ZFHX4: variants seen among roughly 807,000 people sequenced by gnomAD.
The protein encoded by ZFHX4 is zinc finger homeobox protein 4.
In ZFHX4, 56 loss-of-function variants were observed where a neutral mutation model predicts 267.6. The observed-to-expected ratio is 0.21, with a 90% CI of 0.17 to 0.26. The LOEUF is 0.26. Among genes scored for constraint, ZFHX4 ranks in the 10% least tolerant of loss-of-function variants. The pLI is 1.00. For synonymous variants in ZFHX4, 1,778 were observed against 1,665.6 expected (o/e 1.07, Z -1.64); for missense variants, 4,332 against 4,420.0 (o/e 0.98, Z 0.56).
intron 4 of ZFHX4, among the ~76,000 whole-genome samples, chr8:76,826,166 G>A (rs905465261): frequency 3.9e-5 from 6 of 152,130 alleles, no homozygotes; most frequent in Admixed American, 3.9e-4. Flanking sequence ...GCAAGAGTGG[G>A]ATCAAAAGGG....
At chr8:76,692,424 T>C (rs1394234648) in intron 1 of ZFHX4, among the ~76,000 whole-genome samples, 1 of 152,152 alleles carries the variant, frequency 6.6e-6, no homozygotes, top group African/African-American at 2.4e-5. Flanking sequence ...TGTTACGTGG[T>C]ATCCTGTTGA....
chr8:76,862,786 CGAT>C (rs1390333281), intron 10 of ZFHX4, among the ~76,000 whole-genome samples: 1 of 152,076 alleles, frequency 6.6e-6, no homozygotes, highest in Admixed American at 6.5e-5. Flanking sequence ...CTATAGTTCA[CGAT>C]GATGTTTTTT....
intron 5 of ZFHX4, among the ~76,000 whole-genome samples, chr8:76,842,177 G>GT (rs1812251400): frequency 6.6e-6 from 1 of 152,072 alleles, no homozygotes; most frequent in Non-Finnish European, 1.5e-5. Flanking sequence ...AAATGCCAAA[G>GT]AATTCCTTTG....
chr8:76,815,764 G>C, intron 4 of ZFHX4, among the ~76,000 whole-genome samples: 1 of 152,236 alleles, frequency 6.6e-6, no homozygotes, highest in South Asian at 2.1e-4. Context: ...GTCTCCCAAA[G>C]TGCTGAGATC....
At chr8:76,798,618 T>C (rs1811043019) in intron 4 of ZFHX4, among the ~76,000 whole-genome samples, 1 of 152,182 alleles carries the variant, frequency 6.6e-6, no homozygotes, top group Non-Finnish European at 1.5e-5. Context: ...GGCAAGTGTA[T>C]TTTTTAAAAT....
intron 1 of ZFHX4, chr8:76,693,314 G>C (rs1807868998): frequency 6.6e-6 from 1 of 152,162 alleles, no homozygotes; most frequent in African/African-American, 2.4e-5. Context: ...AGCTGGACTT[G>C]TCTTGGGAAA....
chr8:76,864,092 G>T lies in ZFHX4; in HGVS notation c.10378G>T (p.Glu3460Ter). Residue 3460 changes from glutamate (E) to a stop codon, truncating the protein, a stop_gained, in exon 11 of 11, where the codon GAA becomes TAA. Coordinates refer to ENST00000651372, the MANE Select transcript of ZFHX4 (RefSeq NM_024721.5). LOFTEE classifies it high-confidence loss of function. ...CTGTGATGTGGCTATCAGTGGGAAT[G>T]AAGCACTTAGCCAACACCTCCAGTC... is the stretch of plus-strand genomic sequence containing the variant. ...LACDVAISGN[E>*]ALSQHLQSSL... The T allele has an allele frequency of 1.2e-6, 2 of 1,613,836 alleles. No homozygotes were observed. Among genetic ancestry groups the T allele is most frequent in the Non-Finnish European group, 1.7e-6 (2 of 1,179,852 alleles).
At chr8:76,764,790 A>G (rs1172156046) in intron 3 of ZFHX4, among the ~76,000 whole-genome samples, 4 of 152,102 alleles carry the variant, frequency 2.6e-5, no homozygotes, top group Non-Finnish European at 4.4e-5. Context: ...CTATTGTGTA[A>G]CTTTTGCGGT....
Position 76,864,745 on chromosome 8 carries a change from A to G in ZFHX4, c.*180A>G, listed in dbSNP as rs150375735. The G allele has an allele frequency of 4.9e-4, 226 of 459,958 alleles. 1 individual carries two copies. The highest frequency in any genetic ancestry group is 4.2e-3 in the African/African-American group (211 of 49,924). 28.5% of individuals were successfully genotyped at this position (459,958 alleles called of 1,614,324 possible). A position where few individuals can be genotyped will look rare whatever the true frequency, so the allele number is the denominator to read the frequency against. On this transcript the variant is annotated 3_prime_UTR_variant, in exon 11 of 11. Coordinates refer to ENST00000651372, the MANE Select transcript of ZFHX4 (RefSeq NM_024721.5). ...ATATAGGATGGTATGTAATGGACAG[A>G]ACTGATGCAGATGGTTGAATGCGCT...
rs373343766 is a variant in ZFHX4 at position 76,705,120 on chromosome 8, T to C, written c.1032T>C (p.Val344=). The C allele has an allele frequency of 5.5e-5, 88 of 1,613,706 alleles. No individual in the cohort carries two copies. In the African/African-American group the frequency reaches 8.1e-4, roughly 15 times the overall value. ...TGGAACCAAAAAAATCCACTTCTGT[T>C]TATCCCCATTTTTCTACTACAAACC... The part of the protein sequence containing the change: ...SFLEPKKSTS[V]YPHFSTTNLI... The change falls in exon 2 of 11, where the codon GTT becomes GTC. Residue 344 remains valine, a synonymous_variant. Transcript: ENST00000651372.
At chr8:76,800,283 AAC>A (rs1811086307) in intron 4 of ZFHX4, among the ~76,000 whole-genome samples, 1 of 152,154 alleles carries the variant, frequency 6.6e-6, no homozygotes, top group African/African-American at 2.4e-5. Flanking sequence ...GATAAGAGAA[AAC>A]AGACAATTTA....
chr8:76,778,284 A>G lies in ZFHX4; in HGVS notation c.3170A>G (p.Lys1057Arg). 1.9e-6 allele frequency: 3 copies of G among 1,613,856 alleles called. No homozygotes were observed. Among genetic ancestry groups the G allele is most frequent in the Non-Finnish European group, 2.5e-6 (3 of 1,179,790 alleles). The change falls in exon 4 of 11, where the codon AAG becomes AGG. Residue 1057 changes from lysine (K) to arginine (R), a missense_variant. Transcript: ENST00000651372. ...YYCAVCDYTT[K>R]VKLNLVQHVR... ...TGTGCCGTGTGTGATTACACCACCAAGGTCAAGTTGAATCTGGTACAACAT... is the reference window on the plus strand; with the variant it reads ...TGTGCCGTGTGTGATTACACCACCAGGGTCAAGTTGAATCTGGTACAACAT...
rs1554572190 is a variant in ZFHX4, at chr8:76,835,243, A to ATATG, written c.3394+1840_3394+1841insGTAT. Among the ~76,000 whole-genome samples, 17 of 102,716 alleles carry ATATG rather than the reference A, an allele frequency of 1.7e-4. 1 individual carries two copies. Among genetic ancestry groups the ATATG allele is most frequent in the South Asian group, 2.9e-4 (1 of 3,460 alleles). The allele number at this position is 102,716 out of a possible 152,430, so 67.4% of individuals were successfully genotyped here. On this transcript the variant is annotated intron_variant, in intron 5 of 10. Coordinates refer to ENST00000651372, the MANE Select transcript of ZFHX4 (RefSeq NM_024721.5). ...TGTATATATATATATATATATATGT[A>ATATG]TATATATATATATATATTCATACAT...
At position 76,854,228 on chromosome 8, in the gene ZFHX4, C is replaced by T. The variant is rs948348276; in HGVS notation, c.7307C>T (p.Ser2436Leu). ...GCCCTGCCATTAGCATCGACTTCCT[C>T]GGACCCACCACAGGCATCCACAGCC... ...KPALPLASTSSDPPQASTAQP... is the reference protein window; with the variant it reads ...KPALPLASTSLDPPQASTAQP... The change falls in exon 10 of 11, where the codon TCG becomes TTG. Residue 2436 changes from serine to leucine, a missense_variant. This residue lies in a region of ZFHX4 where 1,648 missense variants were observed against 1,625.0 expected (regional missense o/e 1.01). Coordinates refer to ENST00000651372, the MANE Select transcript of ZFHX4 (RefSeq NM_024721.5). 5 of 1,566,380 alleles carry T rather than the reference C, an allele frequency of 3.2e-6. No homozygotes were observed. Among genetic ancestry groups the T allele is most frequent in the South Asian group, 1.2e-5 (1 of 86,248 alleles).
chr8:76,774,090 A>T (rs1810342786), intron 3 of ZFHX4, among the ~76,000 whole-genome samples: 1 of 152,042 alleles, frequency 6.6e-6, no homozygotes. Context: ...CAAGTTCTGG[A>T]CTCCAAATCC....
In ZFHX4 at chr8:76,704,230, G is replaced by C; in HGVS notation, c.142G>C (p.Asp48His). ...GCCTGACAGGGAAAACAGCTCCACAGATGACAACCTGAAAACGGATGAGCG... is the reference window on the plus strand; with the variant it reads ...GCCTGACAGGGAAAACAGCTCCACACATGACAACCTGAAAACGGATGAGCG... The part of the protein sequence containing the change: ...MEPDRENSST[D>H]DNLKTDERKS... The change falls in exon 2 of 11, where the codon GAT becomes CAT. Residue 48 changes from aspartate to histidine, a missense_variant. Around this residue, in one of 7 missense-constraint regions of ZFHX4, gnomAD observed 1,195 missense variants for 1,173.6 expected, o/e 1.02. Coordinates refer to ENST00000651372, the MANE Select transcript of ZFHX4 (RefSeq NM_024721.5). 1 of 1,614,054 alleles carries C rather than the reference G, an allele frequency of 6.2e-7. No individual in the cohort carries two copies. Among genetic ancestry groups the C allele is most frequent in the Non-Finnish European group, 8.5e-7 (1 of 1,179,896 alleles).
At chr8:76,709,070 T>G (rs1177802942) in intron 3 of ZFHX4, among the ~76,000 whole-genome samples, 2 of 152,316 alleles carry the variant, frequency 1.3e-5, no homozygotes, top group African/African-American at 4.8e-5. Context: ...CAACCAGTGA[T>G]TATCAAACCT....
At chr8:76,782,173 G>A (rs1446334222) in intron 4 of ZFHX4, 2 of 407,942 alleles carry the variant, frequency 4.9e-6, no homozygotes, top group Non-Finnish European at 9.5e-6. Flanking sequence ...TGGAGCGCTT[G>A]TAATTTCCTC....
rs34607717 is a variant in ZFHX4, at chr8:76,805,590, CT to C, written c.3325+27165del. On this transcript the variant is annotated intron_variant, in intron 4 of 10. Coordinates refer to ENST00000651372, the MANE Select transcript of ZFHX4 (RefSeq NM_024721.5). ...GTCCTTGGTGTGAATGACACTTAGG[CT>C]TTTTTTTTTTTTTGTAGTCAGAGAT... Among the ~76,000 whole-genome samples the C allele has an allele frequency of 7.3e-3, 1,007 of 138,146 alleles. 1 individual carries two copies. The highest frequency in any genetic ancestry group is 0.013 in the East Asian group (62 of 4,756). 90.6% of individuals were successfully genotyped at this position (138,146 alleles called of 152,430 possible). A position where few individuals can be genotyped will look rare whatever the true frequency, so the allele number is the denominator to read the frequency against.
Sources: gnomAD v4.1 joint callset for allele counts (sites outside exome capture counted in the v4.1 genomes callset) on GRCh38, gnomAD v4.1.1 for gene constraint, gnomAD v4.1.1 regional missense constraint, MANE v1.5 for transcripts, NCBI Gene and HGNC (gene_info 2026-07-23, HGNC 2026-07-21) for gene names.